Variants in GRID2 observed in about 807,000 individuals in gnomAD.
The protein encoded by GRID2 is glutamate ionotropic receptor delta type subunit 2, also known as glutamate receptor ionotropic, delta-2.
In GRID2, 33 loss-of-function variants were observed where a neutral mutation model predicts 114.8. That is an observed-to-expected ratio of 0.29 (90% CI 0.22 to 0.38). The LOEUF is 0.38. GRID2 is among the 10% of genes least tolerant of loss of function. The probability of loss-of-function intolerance (pLI) is 1.00; values close to 1 mark genes in which losing one functional copy is unlikely to be tolerated. For missense variants in GRID2, 1,184 were observed against 1,257.7 expected, an observed-to-expected ratio of 0.94 and a Z score of 0.89; for synonymous variants, 505 against 449.9, an observed-to-expected ratio of 1.12 and a Z score of -1.55.
chr4:93,052,147 T>C (rs1726780068), intron 2 of GRID2, among the ~76,000 whole-genome samples: 1 of 152,042 alleles, frequency 6.6e-6, no homozygotes, highest in African/African-American at 2.4e-5. Flanking sequence ...TCAATTTCTT[T>C]GGACTTACAT....
rs557662847 is a variant in GRID2, at chr4:93,211,800, T to G, written c.789+4343T>G. On this transcript the variant is annotated intron_variant, in intron 5 of 15. Transcript: ENST00000282020. ...ACTTTTATCTGAACAAGGTTAAAAC[T>G]CAGATAATGAGCAAATGTTTTCTGT... Among the ~76,000 whole-genome samples, 145 of 152,258 alleles carry G rather than the reference T, an allele frequency of 9.5e-4. 1 individual carries two copies. Among genetic ancestry groups the G allele is most frequent in the Non-Finnish European group, 1.4e-3 (97 of 68,004 alleles).
intron 2 of GRID2, among the ~76,000 whole-genome samples, chr4:92,983,063 C>T (rs1754313532): frequency 6.6e-6 from 1 of 151,928 alleles, no homozygotes; most frequent in African/African-American, 2.4e-5. Context: ...AGGAAAATCT[C>T]CCTCATGTGA....
intron 1 of GRID2, among the ~76,000 whole-genome samples, chr4:92,397,379 TG>T (rs1730549098): frequency 6.7e-6 from 1 of 149,012 alleles, no homozygotes; most frequent in African/African-American, 2.5e-5. Context: ...TGTGTGTGTG[TG>T]TGTGTTTCTC....
At chr4:93,705,756 G>T (rs1727943794) in intron 14 of GRID2, among the ~76,000 whole-genome samples, 1 of 152,060 alleles carries the variant, frequency 6.6e-6, no homozygotes, top group African/African-American at 2.4e-5. Flanking sequence ...AAATCTTTGT[G>T]CAGACCAATG....
intron 14 of GRID2, among the ~76,000 whole-genome samples, chr4:93,631,224 TTTA>T (rs1743216877): frequency 6.6e-6 from 1 of 152,236 alleles, no homozygotes; most frequent in African/African-American, 2.4e-5. Flanking sequence ...CTCTTTTTTT[TTTA>T]TTATTATACT....
At chr4:93,163,451 A>G (rs1452472992) in intron 4 of GRID2, among the ~76,000 whole-genome samples, 2 of 143,402 alleles carry the variant, frequency 1.4e-5, no homozygotes. Context: ...TTAAATAGAG[A>G]CGAGGTCTTG....
intron 1 of GRID2, among the ~76,000 whole-genome samples, chr4:92,466,612 T>A (rs768631313): frequency 2.6e-5 from 4 of 151,898 alleles, no homozygotes; most frequent in Non-Finnish European, 5.9e-5. Context: ...ACTCATTTCC[T>A]TGGTTTCTTT....
intron 1 of GRID2, among the ~76,000 whole-genome samples, chr4:92,401,115 T>C (rs1730768510): frequency 6.6e-6 from 1 of 152,242 alleles, no homozygotes. Flanking sequence ...ATCTATTTTG[T>C]TGTTGTTGCT....
At chr4:92,708,838 A>C (rs965164539) in intron 2 of GRID2, among the ~76,000 whole-genome samples, 1 of 152,184 alleles carries the variant, frequency 6.6e-6, no homozygotes, top group African/African-American at 2.4e-5. Context: ...ACACAGGAGT[A>C]TCCAGGCGGC....
intron 2 of GRID2, among the ~76,000 whole-genome samples, chr4:92,974,052 A>T (rs1488299124): frequency 6.6e-6 from 1 of 152,238 alleles, no homozygotes; most frequent in Non-Finnish European, 1.5e-5. Context: ...TTTTCAAAAG[A>T]AGACATTTAT....
chr4:93,001,576 C>T (rs1244165833), intron 2 of GRID2, among the ~76,000 whole-genome samples: 2 of 151,582 alleles, frequency 1.3e-5, no homozygotes, highest in African/African-American at 4.8e-5. Flanking sequence ...TTAAAATTTT[C>T]CTGTATTTAG....
At chr4:93,244,169 T>A (rs1284497560) in intron 8 of GRID2, among the ~76,000 whole-genome samples, 1 of 152,034 alleles carries the variant, frequency 6.6e-6, no homozygotes, top group Non-Finnish European at 1.5e-5. Context: ...TGAATTCCAG[T>A]ATTAAAATGT....
chr4:93,247,932 G>A (rs1424125254), intron 8 of GRID2, among the ~76,000 whole-genome samples: 2 of 152,004 alleles, frequency 1.3e-5, no homozygotes, highest in African/African-American at 4.8e-5. Context: ...AGTCTGTGGT[G>A]TCATCTGTAG....
In GRID2 at chr4:93,699,318, C is replaced by A. The variant is rs571108784; in HGVS notation, c.2361-69892C>A. Among the ~76,000 whole-genome samples the A allele has an allele frequency of 2.0e-5, 3 of 151,886 alleles. 1 individual carries two copies. The highest frequency in any genetic ancestry group is 4.4e-5 in the Non-Finnish European group (3 of 67,938). On this transcript the variant is annotated intron_variant, in intron 14 of 15. Transcript: ENST00000282020. ...GTCAAAATTGTTAACATTAATGTAA[C>A]CCCAATTAACCTTTTTAAAAATATA...
At chr4:92,687,353 T>G (rs1579843331) in intron 2 of GRID2, among the ~76,000 whole-genome samples, 1 of 152,188 alleles carries the variant, frequency 6.6e-6, no homozygotes, top group Non-Finnish European at 1.5e-5. Flanking sequence ...TGTAGATATA[T>G]AGATTGGAAA....
chr4:92,713,150 C>G (rs1735340684), intron 2 of GRID2, among the ~76,000 whole-genome samples: 1 of 150,338 alleles, frequency 6.7e-6, no homozygotes, highest in Admixed American at 6.6e-5. Context: ...TCCCCGCTCC[C>G]CCCACCCCAC....
At chr4:93,708,390 C>T (rs1022623863) in intron 14 of GRID2, among the ~76,000 whole-genome samples, 1 of 151,964 alleles carries the variant, frequency 6.6e-6, no homozygotes, top group Non-Finnish European at 1.5e-5. Context: ...GTGTTAGGTA[C>T]TGAATTAACC....
intron 11 of GRID2, among the ~76,000 whole-genome samples, chr4:93,460,851 A>T (rs1189838646): frequency 6.6e-6 from 1 of 151,494 alleles, no homozygotes; most frequent in Non-Finnish European, 1.5e-5. Flanking sequence ...AAAGAAATTT[A>T]TCTGTAATGT....
intron 1 of GRID2, among the ~76,000 whole-genome samples, chr4:92,369,653 A>G (rs1478772117): frequency 6.6e-6 from 1 of 152,172 alleles, no homozygotes. Flanking sequence ...TTCAAAGCAT[A>G]TGGTCTAGCA....
Sources: allele counts gnomAD v4.1 joint callset (sites outside exome capture counted in the v4.1 genomes callset), GRCh38; gene constraint gnomAD v4.1.1; transcripts MANE v1.5; gene names NCBI Gene and HGNC (gene_info 2026-07-23, HGNC 2026-07-21).